The following LINGO2 variants were observed in gnomAD, a reference collection of about 807,000 sequenced individuals.
The protein encoded by LINGO2 is leucine-rich repeat and immunoglobulin-like domain-containing nogo receptor-interacting protein 2.
A neutral mutation model predicts 30.6 loss-of-function variants in LINGO2; 14 were observed. That is an observed-to-expected ratio of 0.46 (90% CI 0.30 to 0.72). The LOEUF (loss-of-function observed/expected upper bound fraction) is 0.72, where lower values mean the gene tolerates loss of function less well. Among genes scored for constraint, LINGO2 ranks in the 30% least tolerant of loss-of-function variants. The probability of loss-of-function intolerance (pLI) is 0.07; values close to 1 mark genes in which losing one functional copy is unlikely to be tolerated. For synonymous variants in LINGO2, 317 were observed against 288.5 expected (o/e 1.10, Z -1.00); for missense variants, 729 against 751.7 (o/e 0.97, Z 0.35).
chr9:29,210,458 T>A, the LINGO2 span, among the ~76,000 whole-genome samples: 2 of 152,184 alleles, frequency 1.3e-5, no homozygotes, highest in Non-Finnish European at 2.9e-5. Flanking sequence ...TGTACCTATA[T>A]TCAGATGAGT....
At chr9:28,049,601 GCTT>G (rs1388232983) in intron 4 of LINGO2, among the ~76,000 whole-genome samples, 3 of 150,668 alleles carry the variant, frequency 2.0e-5, no homozygotes, top group Admixed American at 6.7e-5. Context: ...CCGCTTATTA[GCTT>G]ATTATTCAAA....
At chr9:28,542,250 C>A (rs1435078782) in intron 1 of LINGO2, among the ~76,000 whole-genome samples, 1 of 151,420 alleles carries the variant, frequency 6.6e-6, no homozygotes, top group Non-Finnish European at 1.5e-5. Flanking sequence ...GCAAGTCTGT[C>A]CTCTATAGGT....
intron 2 of LINGO2, among the ~76,000 whole-genome samples, chr9:28,465,601 T>C (rs1258366471): frequency 1.1e-4 from 16 of 152,162 alleles, no homozygotes; most frequent in African/African-American, 3.9e-4. Flanking sequence ...ATTTCCCTGC[T>C]TCCTGTTCAT....
At chr9:28,955,301 T>C in the LINGO2 span, among the ~76,000 whole-genome samples, 3 of 152,262 alleles carry the variant, frequency 2.0e-5, no homozygotes, top group African/African-American at 7.2e-5. Context: ...TATTAGATTG[T>C]CAATGAAAGG....
intron 3 of LINGO2, among the ~76,000 whole-genome samples, chr9:28,366,107 C>T (rs1013499468): frequency 6.6e-6 from 1 of 152,166 alleles, no homozygotes; most frequent in Non-Finnish European, 1.5e-5. Context: ...AGTACGGAAA[C>T]AGTCGGAGCC....
chr9:28,160,506 T>G (rs1285861075), intron 4 of LINGO2, among the ~76,000 whole-genome samples: 1 of 152,176 alleles, frequency 6.6e-6, no homozygotes, highest in Non-Finnish European at 1.5e-5. Flanking sequence ...ACCCATCAAC[T>G]CACATGTCCA....
chr9:28,251,776 GA>G (rs1196166833), intron 4 of LINGO2, among the ~76,000 whole-genome samples: 3 of 151,660 alleles, frequency 2.0e-5, no homozygotes, highest in East Asian at 1.9e-4. Context: ...AATTCAGAGT[GA>G]AAAAAAACTA....
the LINGO2 span, among the ~76,000 whole-genome samples, chr9:28,809,682 G>T: frequency 6.8e-6 from 1 of 146,040 alleles, no homozygotes; most frequent in Non-Finnish European, 1.5e-5. Flanking sequence ...GGAGGCGGAG[G>T]TTGCAGTGAG....
At chr9:28,627,753 T>C (rs181684395) in intron 1 of LINGO2, among the ~76,000 whole-genome samples, 1 of 152,154 alleles carries the variant, frequency 6.6e-6, no homozygotes, top group South Asian at 2.1e-4. Flanking sequence ...TTGTCTATAA[T>C]GTGCATAAAA....
At chr9:28,055,799 T>G (rs1340902874) in intron 4 of LINGO2, among the ~76,000 whole-genome samples, 1 of 152,186 alleles carries the variant, frequency 6.6e-6, no homozygotes, top group African/African-American at 2.4e-5. Flanking sequence ...ATTTGAAGCC[T>G]ATGGATATAG....
intron 4 of LINGO2, among the ~76,000 whole-genome samples, chr9:28,257,655 C>A (rs552499155): frequency 6.6e-6 from 1 of 151,874 alleles, no homozygotes; most frequent in Non-Finnish European, 1.5e-5. Flanking sequence ...TCTCCACCTG[C>A]GTTTCAGCAA....
At chr9:28,290,324 G>C (rs752253115) in intron 4 of LINGO2, among the ~76,000 whole-genome samples, 107 of 152,306 alleles carry the variant, frequency 7.0e-4, no homozygotes, top group Non-Finnish European at 1.1e-3. Context: ...CCTGAGGAAA[G>C]TGCCCTACCC....
At position 28,283,185 on chromosome 9, in the gene LINGO2, T is replaced by A. The variant is rs188130625; in HGVS notation, c.-87+12023A>T. The stretch of plus-strand genomic sequence containing the variant: ...AACACTAAAGTATTATTCAAATAAC[T>A]TTTAACTTGGCCCTTTAGGTAATTC... On this transcript the variant is annotated intron_variant, in intron 4 of 5. Transcript: ENST00000379992. Among the ~76,000 whole-genome samples the A allele has an allele frequency of 3.9e-3, 587 of 152,304 alleles. 5 individuals carry two copies. Among genetic ancestry groups the A allele is most frequent in the African/African-American group, 0.013 (556 of 41,578 alleles).
intron 1 of LINGO2, among the ~76,000 whole-genome samples, chr9:28,487,266 G>A (rs1826209094): frequency 6.6e-6 from 1 of 152,028 alleles, no homozygotes; most frequent in Non-Finnish European, 1.5e-5. Flanking sequence ...TATTCTTTTA[G>A]TATGCTTTTC....
intron 1 of LINGO2, among the ~76,000 whole-genome samples, chr9:28,501,874 A>G (rs1819901896): frequency 6.6e-6 from 1 of 152,182 alleles, no homozygotes; most frequent in Non-Finnish European, 1.5e-5. Flanking sequence ...TTGCCAATAA[A>G]TAGCTAAGGA....
the LINGO2 span, among the ~76,000 whole-genome samples, chr9:28,939,923 C>A: frequency 6.6e-6 from 1 of 152,114 alleles, no homozygotes; most frequent in Admixed American, 6.6e-5. Flanking sequence ...GAATTAAGTT[C>A]TCTTTATTAC....
At chr9:28,753,960 T>C in the LINGO2 span, among the ~76,000 whole-genome samples, 491 of 151,960 alleles carry the variant, frequency 3.2e-3, 9 homozygotes, top group African/African-American at 0.012. Context: ...TGCATGAATT[T>C]TGATTTTTTT....
the LINGO2 span, among the ~76,000 whole-genome samples, chr9:28,764,132 T>TA: frequency 0.09 from 13,266 of 146,676 alleles, 2,015 homozygotes; most frequent in African/African-American, 0.31. Flanking sequence ...GAACTCTTTT[T>TA]AAAAAAAAAA....
chr9:28,406,469 TCATTATGG>T (rs901487328), intron 2 of LINGO2, among the ~76,000 whole-genome samples: 1 of 152,188 alleles, frequency 6.6e-6, no homozygotes, highest in Non-Finnish European at 1.5e-5. Flanking sequence ...TCTTTGCCTT[TCATTATGG>T]CTAAATGTAT....
Sources: gnomAD v4.1 joint callset for allele counts (sites outside exome capture counted in the v4.1 genomes callset) on GRCh38, gnomAD v4.1.1 for gene constraint, MANE v1.5 for transcripts, NCBI Gene and HGNC (gene_info 2026-07-23, HGNC 2026-07-21) for gene names.